BICD2: variants seen among roughly 807,000 people sequenced by gnomAD.
BICD2 encodes protein bicaudal D homolog 2.
A neutral mutation model predicts 72.9 loss-of-function variants in BICD2; 25 were observed. That is an observed-to-expected ratio of 0.34 (90% CI 0.25 to 0.48). BICD2 has a LOEUF of 0.48. Ranked by LOEUF, BICD2 falls within the 20% of genes least tolerant of loss-of-function variation. BICD2 has a pLI of 0.99. For synonymous variants in BICD2, 501 were observed against 516.1 expected, an observed-to-expected ratio of 0.97 and a Z score of 0.40; for missense variants, 894 against 1,175.2, an observed-to-expected ratio of 0.76 and a Z score of 3.50.
At position 92,714,999 on chromosome 9, in the gene BICD2, T is replaced by C; in HGVS notation, c.*155A>G. ...AGAAGCGACACAAAGCTCTCACAAG[T>C]GTCCTGCTGATGCAACGCCCCATGG... On this transcript the variant is annotated 3_prime_UTR_variant, in exon 7 of 7. Coordinates refer to ENST00000356884, the MANE Select transcript of BICD2 (RefSeq NM_001003800.2). The C allele has an allele frequency of 7.1e-7, 1 of 1,416,852 alleles. No homozygotes were observed. The highest frequency in any genetic ancestry group is 9.2e-7 in the Non-Finnish European group (1 of 1,086,818). 87.8% of individuals were successfully genotyped at this position (1,416,852 alleles called of 1,614,324 possible).
Position 92,764,617 on chromosome 9 carries a change from G to T in BICD2, c.128C>A (p.Ala43Glu). ...LAETTREKIQ[A>E]AEYGLAVLEE... ...GAGCACCGCCAGCCCGTACTCGGCCGCCTGGATCTTCTCACGCGTGGTCTC... is the reference window on the plus strand; with the variant it reads ...GAGCACCGCCAGCCCGTACTCGGCCTCCTGGATCTTCTCACGCGTGGTCTC... The change falls in exon 1 of 7, where the codon GCG becomes GAG. Residue 43 changes from alanine (A) to glutamate (E), a missense_variant. Coordinates refer to ENST00000356884, the MANE Select transcript of BICD2 (RefSeq NM_001003800.2). This position sits in a 1 kb window ranked among gnomAD's most constrained non-coding sequence, Gnocchi z 5.5. 1.3e-6 allele frequency: 2 copies of T among 1,592,708 alleles called. No homozygotes were observed. Among genetic ancestry groups the T allele is most frequent in the Non-Finnish European group, 1.7e-6 (2 of 1,170,874 alleles).
intron 1 of BICD2, among the ~76,000 whole-genome samples, chr9:92,751,134 T>TG (rs1554708673): frequency 3.3e-5 from 5 of 150,348 alleles, no homozygotes; most frequent in Admixed American, 2.0e-4. Context: ...TGGTTGGTTT[T>TG]TTGTTGTTGT....
chr9:92,719,792 T>C (rs765660503), intron 4 of BICD2, among the ~76,000 whole-genome samples: 6 of 152,284 alleles, frequency 3.9e-5, no homozygotes, highest in Non-Finnish European at 7.4e-5. Flanking sequence ...ACACTAACCG[T>C]CACCAGTAAT....
chr9:92,753,839 G>A (rs567675056), intron 1 of BICD2, among the ~76,000 whole-genome samples: 41 of 151,772 alleles, frequency 2.7e-4, no homozygotes, highest in Admixed American at 6.6e-4. Context: ...GTGCCCGGCC[G>A]GTAGCACAGT....
At position 92,714,173 on chromosome 9, in the gene BICD2, C is replaced by T. The variant is rs1351668435; in HGVS notation, c.*981G>A. ...TGGCCCTGGCCCTATGCAAAGCTTTCCCAGCACCGGGCTGGGCTCTGGATA... is the reference window on the plus strand; with the variant it reads ...TGGCCCTGGCCCTATGCAAAGCTTTTCCAGCACCGGGCTGGGCTCTGGATA... On this transcript the variant is annotated 3_prime_UTR_variant, in exon 7 of 7. Transcript: ENST00000356884. 2.0e-6 allele frequency: 2 copies of T among 985,434 alleles called. No individual in the cohort carries two copies. The highest frequency in any genetic ancestry group is 2.4e-6 in the Non-Finnish European group (2 of 830,024). 61.0% of individuals were successfully genotyped at this position (985,434 alleles called of 1,614,324 possible). A position where few individuals can be genotyped will look rare whatever the true frequency, so the allele number is the denominator to read the frequency against.
chr9:92,714,285 C>A lies in BICD2; in HGVS notation c.*869G>T, dbSNP rs1417325785. 1.0e-6 allele frequency: 1 copy of A among 985,376 alleles called. No individual in the cohort carries two copies. Among genetic ancestry groups the A allele is most frequent in the African/African-American group, 1.7e-5 (1 of 57,246 alleles). 61.0% of individuals were successfully genotyped at this position (985,376 alleles called of 1,614,324 possible). ...AAAGCCCCATGTCTTTGGGACTGAA[C>A]CCCCTATGGAAGGCCGGATAATTGG... On this transcript the variant is annotated 3_prime_UTR_variant, in exon 7 of 7. Coordinates refer to ENST00000356884, the MANE Select transcript of BICD2 (RefSeq NM_001003800.2).
chr9:92,735,327 G>C (rs555095703), intron 1 of BICD2, among the ~76,000 whole-genome samples: 1 of 152,250 alleles, frequency 6.6e-6, no homozygotes, highest in East Asian at 1.9e-4. Flanking sequence ...CCTCGGGACA[G>C]GCTGCAGGAC....
intron 1 of BICD2, among the ~76,000 whole-genome samples, chr9:92,736,883 C>A (rs953129743): frequency 6.6e-6 from 1 of 152,202 alleles, no homozygotes; most frequent in Non-Finnish European, 1.5e-5. Context: ...CACAGTCTGG[C>A]TGTAGCGTGG....
intron 1 of BICD2, among the ~76,000 whole-genome samples, chr9:92,729,762 G>C (rs1853642898): frequency 6.6e-6 from 1 of 152,258 alleles, no homozygotes; most frequent in South Asian, 2.1e-4. Flanking sequence ...GAACTAGACA[G>C]AGGCCAGCAC....
rs1323053121 is a variant in BICD2 at position 92,714,890 on chromosome 9, A to G, written c.*264T>C. On this transcript the variant is annotated 3_prime_UTR_variant, in exon 7 of 7. Coordinates refer to ENST00000356884, the MANE Select transcript of BICD2 (RefSeq NM_001003800.2). ...GCTTTCATCACACATCTGCTGCAAGAATGTGCAGCTCTATCCCCACCTCTG... is the reference window on the plus strand; with the variant it reads ...GCTTTCATCACACATCTGCTGCAAGGATGTGCAGCTCTATCCCCACCTCTG... 1.6e-6 allele frequency: 2 copies of G among 1,265,652 alleles called. No individual in the cohort carries two copies. The highest frequency in any genetic ancestry group is 4.0e-5 in the Admixed American group (1 of 24,944). The allele number at this position is 1,265,652 out of a possible 1,614,324, so 78.4% of individuals were successfully genotyped here.
intron 6 of BICD2, among the ~76,000 whole-genome samples, chr9:92,716,018 C>G (rs907908868): frequency 1.3e-5 from 2 of 152,158 alleles, no homozygotes; most frequent in Non-Finnish European, 2.9e-5. Context: ...TCCTGAAACC[C>G]GGGTGCGGAG....
At chr9:92,755,413 T>C (rs1248223832) in intron 1 of BICD2, among the ~76,000 whole-genome samples, 1 of 152,232 alleles carries the variant, frequency 6.6e-6, no homozygotes, top group Non-Finnish European at 1.5e-5. Flanking sequence ...AAGTACTTGA[T>C]GTCTGTGACC....
chr9:92,759,683 T>A (rs980891615), intron 1 of BICD2, among the ~76,000 whole-genome samples: 1 of 152,236 alleles, frequency 6.6e-6, no homozygotes, highest in Admixed American at 6.5e-5. Flanking sequence ...CTAAGGCCAA[T>A]GCTTTACCTG....
rs904150921 is a variant in BICD2, at chr9:92,713,928, CAGGAGA to C, written c.*1220_*1225del. ...CATGAGAGACAAGGCAAGCAGCCTG[CAGGAGA>C]GAAGACTGCAGCCTCAGGTCCAGCT... On this transcript the variant is annotated 3_prime_UTR_variant, in exon 7 of 7. Transcript: ENST00000356884. The C allele has an allele frequency of 2.0e-6, 2 of 995,454 alleles. No homozygotes were observed. The highest frequency in any genetic ancestry group is 3.5e-5 in the African/African-American group (2 of 57,654). The allele number at this position is 995,454 out of a possible 1,614,324, so 61.7% of individuals were successfully genotyped here. A position where few individuals can be genotyped will look rare whatever the true frequency, so the allele number is the denominator to read the frequency against.
chr9:92,751,410 C>G (rs1445587771), intron 1 of BICD2, among the ~76,000 whole-genome samples: 1 of 152,086 alleles, frequency 6.6e-6, no homozygotes, highest in Non-Finnish European at 1.5e-5. Flanking sequence ...TCCCAAAGTG[C>G]TAGGATTACA....
chr9:92,730,100 C>A (rs1040644569), intron 1 of BICD2, among the ~76,000 whole-genome samples: 1 of 152,332 alleles, frequency 6.6e-6, no homozygotes, highest in East Asian at 1.9e-4. Context: ...TCCCACTGCC[C>A]ACTACCCCCA....
chr9:92,758,523 G>C (rs1564074547), intron 1 of BICD2, among the ~76,000 whole-genome samples: 1 of 127,922 alleles, frequency 7.8e-6, no homozygotes, highest in Non-Finnish European at 1.6e-5. Context: ...CTGTACTCCA[G>C]CCTGGGCAAC....
Position 92,713,500 on chromosome 9 carries a change from T to C in BICD2, c.*1654A>G, listed in dbSNP as rs1336737444. ...AAAAGAGAGCGTTAGAAAGCGGTCA[T>C]CTGTCGCTTCCTGTTTATCTGACAA... On this transcript the variant is annotated 3_prime_UTR_variant, in exon 7 of 7. Transcript: ENST00000356884. 2.5e-6 allele frequency: 4 copies of C among 1,577,294 alleles called. No individual in the cohort carries two copies. Among genetic ancestry groups the C allele is most frequent in the Non-Finnish European group, 3.4e-6 (4 of 1,160,076 alleles).
chr9:92,750,516 A>T (rs1377499633), intron 1 of BICD2, among the ~76,000 whole-genome samples: 6 of 152,214 alleles, frequency 3.9e-5, no homozygotes, highest in Admixed American at 3.9e-4. Context: ...CATATTGCTA[A>T]GTGAAAGAAG....
Sources: allele counts gnomAD v4.1 joint callset (sites outside exome capture counted in the v4.1 genomes callset), GRCh38; gene constraint gnomAD v4.1.1; non-coding constraint Gnocchi (gnomAD v3.1); transcripts MANE v1.5; gene names NCBI Gene and HGNC (gene_info 2026-07-23, HGNC 2026-07-21).